Variants in GOLM1 observed in about 807,000 individuals in gnomAD.
GOLM1 encodes the protein epididymis luminal protein 46.
Under a neutral mutation model 50.5 loss-of-function variants are expected in GOLM1, and 31 were observed. The observed-to-expected ratio is 0.61, with a 90% confidence interval of 0.46 to 0.83. GOLM1 has a LOEUF of 0.83. Ranked by LOEUF, GOLM1 falls within the 40% of genes least tolerant of loss-of-function variation. GOLM1 has a pLI of 0.00. For missense variants in GOLM1, 491 were observed against 501.3 expected (o/e 0.98, Z 0.20); for synonymous variants, 178 against 192.8 (o/e 0.92, Z 0.64).
At chr9:86,064,807 C>T (rs547895931) in intron 3 of GOLM1, among the ~76,000 whole-genome samples, 2 of 152,330 alleles carry the variant, frequency 1.3e-5, no homozygotes, top group South Asian at 2.1e-4. Flanking sequence ...GCCCTTGAGC[C>T]GCCTGCCTGG....
intron 3 of GOLM1, among the ~76,000 whole-genome samples, chr9:86,053,595 TCCACACACACATCACACA>T (rs1771802549): frequency 4.9e-4 from 1 of 2,046 alleles, no homozygotes. Flanking sequence ...ACCACACCAC[TCCACACACACATCACACA>T]CCACACCAAA....
chr9:86,028,354 C>T (rs771150200), intron 9 of GOLM1, among the ~76,000 whole-genome samples: 32 of 152,300 alleles, frequency 2.1e-4, no homozygotes, highest in Admixed American at 1.2e-3. Context: ...TGGAACGATT[C>T]GGACGCCAAG....
intron 1 of GOLM1, among the ~76,000 whole-genome samples, chr9:86,094,145 C>G (rs960593614): frequency 1.4e-5 from 2 of 147,830 alleles, no homozygotes; most frequent in African/African-American, 5.1e-5. Flanking sequence ...CTATGGCCCA[C>G]AGGCCATATC....
intron 1 of GOLM1, chr9:86,079,583 C>T (rs1834726911): frequency 5.8e-6 from 2 of 344,888 alleles, no homozygotes; most frequent in Admixed American, 4.6e-5. Context: ...GAGCAGGCAC[C>T]GCCCCGAAAC....
At chr9:86,044,963 AG>A (rs1181836578) in intron 5 of GOLM1, among the ~76,000 whole-genome samples, 1 of 151,848 alleles carries the variant, frequency 6.6e-6, no homozygotes, top group Non-Finnish European at 1.5e-5. Context: ...CAAAAAAAAA[AG>A]AGGCTATAGC....
chr9:86,040,818 C>A lies in GOLM1; in HGVS notation c.518G>T (p.Arg173Leu), dbSNP rs372897298. Residue 173 changes from arginine to leucine, a missense_variant, in exon 6 of 10, where the codon CGA becomes CTA. Arg to Leu is a moderately radical substitution (Grantham distance 102). Transcript: ENST00000388712. ...CCCCTTTTTGGTGACCTCTTCTATT[C>A]GCTCCTCACACTGTTCCTTCACCTC... ...MKEVKEQCEE[R>L]IEEVTKKGNE... 2 of 1,613,636 alleles carry A rather than the reference C, an allele frequency of 1.2e-6. No homozygotes were observed. The highest frequency in any genetic ancestry group is 1.1e-5 in the South Asian group (1 of 91,062).
At chr9:86,068,121 TATAAG>T (rs1191133001) in intron 3 of GOLM1, among the ~76,000 whole-genome samples, 3 of 152,038 alleles carry the variant, frequency 2.0e-5, no homozygotes, top group Non-Finnish European at 4.4e-5. Context: ...CTGGTGTTCT[TATAAG>T]AGGAGGAGAA....
At chr9:86,044,834 C>T (rs1372933973) in intron 5 of GOLM1, among the ~76,000 whole-genome samples, 2 of 151,974 alleles carry the variant, frequency 1.3e-5, no homozygotes, top group African/African-American at 2.4e-5. Flanking sequence ...TGCCCATAAT[C>T]CCAGCTACTC....
chr9:86,074,967 T>C (rs1030618500), intron 3 of GOLM1, among the ~76,000 whole-genome samples: 1 of 152,126 alleles, frequency 6.6e-6, no homozygotes, highest in African/African-American at 2.4e-5. Flanking sequence ...AATCCACACA[T>C]TGAAACCAAA....
At chr9:86,056,589 T>C (rs1275528064) in intron 3 of GOLM1, among the ~76,000 whole-genome samples, 2 of 147,392 alleles carry the variant, frequency 1.4e-5, no homozygotes, top group Non-Finnish European at 3.0e-5. Context: ...CAAAGCAACC[T>C]CCACCTCCCG....
At chr9:86,051,091 ATCCTTATT>A (rs1833732777) in intron 4 of GOLM1, among the ~76,000 whole-genome samples, 1 of 151,950 alleles carries the variant, frequency 6.6e-6, no homozygotes, top group African/African-American at 2.4e-5. Flanking sequence ...TTCAAATAAC[ATCCTTATT>A]TCTGCCTTCA....
intron 6 of GOLM1, chr9:86,036,792 C>A: frequency 2.5e-6 from 1 of 393,450 alleles, no homozygotes. Context: ...AATACCTAGG[C>A]GGAAGATCAA....
chr9:86,032,536 G>A (rs1833018214), intron 9 of GOLM1, among the ~76,000 whole-genome samples: 1 of 152,190 alleles, frequency 6.6e-6, no homozygotes, highest in Non-Finnish European at 1.5e-5. Context: ...GTGTGTTGGA[G>A]GAGGGAGAGG....
chr9:86,032,761 G>A (rs972804827), intron 9 of GOLM1, among the ~76,000 whole-genome samples: 1 of 152,196 alleles, frequency 6.6e-6, no homozygotes, highest in African/African-American at 2.4e-5. Context: ...AGGACCACCT[G>A]CTGTTATGCC....
At chr9:86,071,634 C>T (rs1834451018) in intron 3 of GOLM1, among the ~76,000 whole-genome samples, 1 of 151,816 alleles carries the variant, frequency 6.6e-6, no homozygotes, top group South Asian at 2.1e-4. Flanking sequence ...GATCGTGCCA[C>T]TGCACTCCAG....
At chr9:86,064,570 C>T (rs1834252601) in intron 3 of GOLM1, among the ~76,000 whole-genome samples, 1 of 152,200 alleles carries the variant, frequency 6.6e-6, no homozygotes, top group South Asian at 2.1e-4. Flanking sequence ...CCTCTCCCCA[C>T]ATGGCCAGGG....
chr9:86,047,794 C>A (rs10124791), intron 4 of GOLM1, among the ~76,000 whole-genome samples: 1 of 152,076 alleles, frequency 6.6e-6, no homozygotes, highest in East Asian at 1.9e-4. Flanking sequence ...ATGGACGAAT[C>A]GCAAATAACT....
chr9:86,036,809 A>C (rs1012889198), intron 6 of GOLM1: 9 of 371,630 alleles, frequency 2.4e-5, no homozygotes, highest in Non-Finnish European at 4.4e-5. Context: ...TCAACAACAA[A>C]AAAGACATGA....
chr9:86,076,710 T>A (rs1331969293), intron 3 of GOLM1, among the ~76,000 whole-genome samples: 1 of 148,738 alleles, frequency 6.7e-6, no homozygotes, highest in East Asian at 2.0e-4. Flanking sequence ...ACTAAAAATA[T>A]AAAAATTAGC....
Sources: allele counts gnomAD v4.1 joint callset (sites outside exome capture counted in the v4.1 genomes callset), GRCh38; gene constraint gnomAD v4.1.1; transcripts MANE v1.5; gene names NCBI Gene and HGNC (gene_info 2026-07-23, HGNC 2026-07-21).